The following MIPOL1 variants were observed in gnomAD, a reference collection of about 807,000 sequenced individuals.
MIPOL1 encodes mirror-image polydactyly 1, also known as mirror-image polydactyly gene 1 protein.
MIPOL1 carries 57 observed loss-of-function variants against 60.9 expected under a neutral mutation model. The observed-to-expected ratio is 0.94, with a 90% CI of 0.76 to 1.17. MIPOL1 has a LOEUF of 1.17. Among genes scored for constraint, MIPOL1 ranks in the 50% most tolerant of loss-of-function variants. The pLI is 0.00. For missense variants in MIPOL1, 551 were observed against 511.6 expected (o/e 1.08, Z -0.74); for synonymous variants, 179 against 168.8 (o/e 1.06, Z -0.47).
intron 7 of MIPOL1, among the ~76,000 whole-genome samples, chr14:37,298,348 C>G (rs1250738651): frequency 1.3e-5 from 2 of 152,148 alleles, no homozygotes; most frequent in South Asian, 4.1e-4. Context: ...CATAAAAACC[C>G]TACAAGAAAA....
In MIPOL1 at chr14:37,547,586, G is replaced by A. The variant is rs892061971; in HGVS notation, c.*615G>A. ...GATATATTAAAATTACATTCATCAA[G>A]GCATGATTTTTGTTTCACTACAAAT... On this transcript the variant is annotated 3_prime_UTR_variant, in exon 13 of 13. Transcript: ENST00000684589. The A allele has an allele frequency of 1.3e-5, 2 of 152,370 alleles. No homozygotes were observed. The highest frequency in any genetic ancestry group is 2.9e-5 in the Non-Finnish European group (2 of 67,972). The allele number at this position is 152,370 out of a possible 1,614,324, so 9.4% of individuals were successfully genotyped here.
At chr14:37,285,954 TA>T (rs1329904289) in intron 7 of MIPOL1, among the ~76,000 whole-genome samples, 1 of 152,128 alleles carries the variant, frequency 6.6e-6, no homozygotes, top group Admixed American at 6.5e-5. Flanking sequence ...GCAGTCAGTT[TA>T]AAAAAAGAAA....
intron 10 of MIPOL1, among the ~76,000 whole-genome samples, chr14:37,408,133 A>C (rs1047694077): frequency 6.6e-6 from 1 of 151,978 alleles, no homozygotes; most frequent in Non-Finnish European, 1.5e-5. Context: ...CAGTCTCCCA[A>C]AGTGTTGGGA....
chr14:37,220,331 C>T (rs2139491439), intron 1 of MIPOL1, among the ~76,000 whole-genome samples: 1 of 152,140 alleles, frequency 6.6e-6, no homozygotes, highest in East Asian at 1.9e-4. Context: ...CATCGAAATT[C>T]CTTCTTTTTA....
At chr14:37,546,411 T>A (rs1382643693) in intron 12 of MIPOL1, among the ~76,000 whole-genome samples, 1 of 152,192 alleles carries the variant, frequency 6.6e-6, no homozygotes, top group Non-Finnish European at 1.5e-5. Context: ...TGGCTTTATG[T>A]TTATCAGCTG....
chr14:37,423,359 A>T (rs1000675392), intron 11 of MIPOL1, among the ~76,000 whole-genome samples: 3 of 150,918 alleles, frequency 2.0e-5, no homozygotes, highest in African/African-American at 7.3e-5. Context: ...ATGAGCAGCA[A>T]TAATAACCTT....
intron 12 of MIPOL1, among the ~76,000 whole-genome samples, chr14:37,519,892 C>G (rs1313871512): frequency 6.6e-6 from 1 of 152,014 alleles, no homozygotes; most frequent in Non-Finnish European, 1.5e-5. Context: ...TGTCCATAAA[C>G]CTTACCACTG....
intron 10 of MIPOL1, among the ~76,000 whole-genome samples, chr14:37,374,970 G>T (rs909740663): frequency 3.3e-5 from 5 of 152,056 alleles, no homozygotes; most frequent in Non-Finnish European, 7.4e-5. Flanking sequence ...AAATTACCTT[G>T]GGCAATATGG....
At chr14:37,233,763 C>G (rs775911058) in intron 1 of MIPOL1, among the ~76,000 whole-genome samples, 13 of 152,174 alleles carry the variant, frequency 8.5e-5, no homozygotes, top group Non-Finnish European at 1.6e-4. Flanking sequence ...TGAAGCTTTT[C>G]TAGGCATTTT....
chr14:37,323,786 A>C (rs569191278), intron 9 of MIPOL1, among the ~76,000 whole-genome samples: 1 of 152,088 alleles, frequency 6.6e-6, no homozygotes, highest in African/African-American at 2.4e-5. Flanking sequence ...TGCCTCACCC[A>C]AACAACTTTT....
At chr14:37,450,570 C>G (rs1220398176) in intron 11 of MIPOL1, among the ~76,000 whole-genome samples, 1 of 152,000 alleles carries the variant, frequency 6.6e-6, no homozygotes, top group Non-Finnish European at 1.5e-5. Context: ...AAGGAGGTGT[C>G]TAGGAATGGA....
intron 10 of MIPOL1, among the ~76,000 whole-genome samples, chr14:37,409,686 T>C (rs1216148523): frequency 1.3e-5 from 2 of 152,112 alleles, no homozygotes; most frequent in Non-Finnish European, 2.9e-5. Context: ...CTTGGGAGGC[T>C]GATGCAGGAG....
At chr14:37,336,409 A>G (rs895785678) in intron 9 of MIPOL1, among the ~76,000 whole-genome samples, 4 of 149,524 alleles carry the variant, frequency 2.7e-5, no homozygotes, top group African/African-American at 9.8e-5. Flanking sequence ...TTATTATATA[A>G]TGCCCTCTTT....
At chr14:37,466,954 G>A (rs1374990635) in intron 11 of MIPOL1, among the ~76,000 whole-genome samples, 1 of 152,104 alleles carries the variant, frequency 6.6e-6, no homozygotes, top group African/African-American at 2.4e-5. Flanking sequence ...TAATCAAATG[G>A]CTCACATAAA....
chr14:37,254,237 A>G (rs1974557762), intron 3 of MIPOL1, among the ~76,000 whole-genome samples: 1 of 151,768 alleles, frequency 6.6e-6, no homozygotes, highest in Admixed American at 6.6e-5. Flanking sequence ...CGATTCTGGA[A>G]TTCTTTATTT....
At chr14:37,298,643 G>A (rs554365401) in intron 7 of MIPOL1, among the ~76,000 whole-genome samples, 47 of 152,272 alleles carry the variant, frequency 3.1e-4, no homozygotes, top group Middle Eastern at 3.4e-3. Context: ...CGAAGGATCC[G>A]AACAGACACT....
chr14:37,460,798 CA>C (rs1307147109), intron 11 of MIPOL1, among the ~76,000 whole-genome samples: 1 of 152,044 alleles, frequency 6.6e-6, no homozygotes, highest in Non-Finnish European at 1.5e-5. Flanking sequence ...TATGCTTAAC[CA>C]AGAAGGTGAA....
rs540801742 is a variant in MIPOL1 at position 37,351,890 on chromosome 14, C to T, written c.829-17627C>T. 1.1e-4 allele frequency among the ~76,000 whole-genome samples: 17 copies of T among 151,722 alleles called. No homozygotes were observed. In the South Asian group the frequency reaches 3.6e-3, roughly 32 times the overall value. ...TTCACTCTGATGGTAGTTTCTCTTGCTGTGCAGAAGCTCTTTAATTAGATC... is the reference window on the plus strand; with the variant it reads ...TTCACTCTGATGGTAGTTTCTCTTGTTGTGCAGAAGCTCTTTAATTAGATC... On this transcript the variant is annotated intron_variant, in intron 9 of 12. Coordinates refer to ENST00000684589, the MANE Select transcript of MIPOL1 (RefSeq NM_001388067.1).
At position 37,312,019 on chromosome 14, in the gene MIPOL1, A is replaced by C. The variant is rs980285811; in HGVS notation, c.828+3500A>C. 6.0e-4 allele frequency among the ~76,000 whole-genome samples: 5 copies of C among 8,318 alleles called. No individual in the cohort carries two copies. In the Admixed American group the frequency reaches 0.011, roughly 19 times the overall value. The allele number at this position is 8,318 out of a possible 152,430, so 5.5% of individuals were successfully genotyped here. A position where few individuals can be genotyped will look rare whatever the true frequency, so the allele number is the denominator to read the frequency against. On this transcript the variant is annotated intron_variant, in intron 9 of 12. Transcript: ENST00000684589. ...TCACATATTTTATAGAATATCTCTG[A>C]ATTTGGGTTTGTTTTTCTCATGATT...
Sources: gnomAD v4.1 joint callset for allele counts (sites outside exome capture counted in the v4.1 genomes callset) on GRCh38, gnomAD v4.1.1 for gene constraint, MANE v1.5 for transcripts, NCBI Gene and HGNC (gene_info 2026-07-23, HGNC 2026-07-21) for gene names.